The following MTA1 variants were observed in gnomAD, a reference collection of about 807,000 sequenced individuals.
MTA1 encodes metastasis-associated protein MTA1.
Under a neutral mutation model 97.0 loss-of-function variants are expected in MTA1, and 15 were observed. The ratio of observed to expected loss-of-function variants is 0.15; its 90% CI spans 0.10 to 0.24. MTA1 has a LOEUF of 0.24. MTA1 is among the 10% of genes least tolerant of loss of function. The pLI is 1.00. For missense variants in MTA1, 709 were observed against 1,015.1 expected, an observed-to-expected ratio of 0.70 and a Z score of 4.10; for synonymous variants, 435 against 417.5, an observed-to-expected ratio of 1.04 and a Z score of -0.51.
chr14:105,458,258 TCCTC>T lies in MTA1; in HGVS notation c.551-8_551-5del. 1 of 1,611,124 alleles carries T rather than the reference TCCTC, an allele frequency of 6.2e-7. No homozygotes were observed. The highest frequency in any genetic ancestry group is 8.5e-7 in the Non-Finnish European group (1 of 1,178,732). On this transcript the variant is annotated splice_region_variant and splice_polypyrimidine_tract_variant and intron_variant, in intron 7 of 20. Coordinates refer to ENST00000331320, the MANE Select transcript of MTA1 (RefSeq NM_004689.4). ...GACCCCGTCTCAGAAAGGCCACACT[TCCTC>T]CCTGTAGGCGAGGAGGATGGCCGAG...
intron 1 of MTA1, 91 bp from the exon 2 acceptor site, chr14:105,438,581 C>A (rs782763594): frequency 8.8e-6 from 10 of 1,138,846 alleles, no homozygotes; most frequent in African/African-American, 1.5e-5. Flanking sequence ...GACACTGCCC[C>A]GCCTGAGCCC....
At chr14:105,438,974 G>A (rs2082414168) in intron 2 of MTA1, among the ~76,000 whole-genome samples, 1 of 152,194 alleles carries the variant, frequency 6.6e-6, no homozygotes, top group East Asian at 1.9e-4. Flanking sequence ...GCCCTGAGCT[G>A]CCTGCCCACT....
At position 105,466,445 on chromosome 14, in the gene MTA1, C is replaced by T; in HGVS notation, c.1644C>T (p.Pro548=). Residue 548 remains proline (P), a synonymous_variant, in exon 17 of 21, where the codon CCC becomes CCT. Coordinates refer to ENST00000331320, the MANE Select transcript of MTA1 (RefSeq NM_004689.4). ...CGGCAGAGACCCACCCCCGCCCCCCCAAGCCTGACCCCGTGAAAAGCGTGT... is the reference window on the plus strand; with the variant it reads ...CGGCAGAGACCCACCCCCGCCCCCCTAAGCCTGACCCCGTGAAAAGCGTGT... The part of the protein sequence containing the change: ...LRYLETHPRP[P]KPDPVKSVSS... 1.9e-6 allele frequency: 3 copies of T among 1,596,560 alleles called. No homozygotes were observed. Among genetic ancestry groups the T allele is most frequent in the Non-Finnish European group, 2.6e-6 (3 of 1,170,822 alleles).
At chr14:105,469,630 C>A in intron 19 of MTA1, 132 bp downstream of exon 19, 1 of 1,251,490 alleles carries the variant, frequency 8.0e-7, no homozygotes, top group Non-Finnish European at 1.1e-6. Context: ...ACCAGAGGGG[C>A]TGCAGCATGT....
rs1555430934 is a variant in MTA1 at position 105,460,988 on chromosome 14, G to T, written c.942+35G>T. Reference sequence around the variant, plus strand: ...GTGGGTGGCGATGGGGGAGTGGCTGGCCATGCCCATCTCCAGGTAGGCTGC... The same window carrying T: ...GTGGGTGGCGATGGGGGAGTGGCTGTCCATGCCCATCTCCAGGTAGGCTGC... On this transcript the variant is annotated intron_variant, in intron 10 of 20. Transcript: ENST00000331320. 4.4e-6 allele frequency: 7 copies of T among 1,584,496 alleles called. No homozygotes were observed. In the East Asian group the frequency reaches 1.6e-4, roughly 35 times the overall value.
At chr14:105,453,491 C>CA in intron 6 of MTA1, among the ~76,000 whole-genome samples, 3 of 152,302 alleles carry the variant, frequency 2.0e-5, no homozygotes, top group South Asian at 2.1e-4. Flanking sequence ...GCCTGGGCGA[C>CA]GGAGCGAGAC....
chr14:105,425,696 C>T (rs2081988262), intron 1 of MTA1, among the ~76,000 whole-genome samples: 1 of 150,078 alleles, frequency 6.7e-6, no homozygotes, highest in Non-Finnish European at 1.5e-5. Flanking sequence ...TGGCCTGCTC[C>T]ATTCCTGTCC....
At chr14:105,465,983 G>GATCTC in intron 16 of MTA1, 1 of 209,726 alleles carries the variant, frequency 4.8e-6, no homozygotes, top group Non-Finnish European at 9.6e-6. Context: ...GCTGGTGTCA[G>GATCTC]GGCTGGTCCT....
chr14:105,447,778 C>G (rs1434719236), intron 3 of MTA1, among the ~76,000 whole-genome samples: 3 of 152,232 alleles, frequency 2.0e-5, no homozygotes, highest in Admixed American at 2.0e-4. Context: ...CGGCCCCACT[C>G]TTGCCTGGCG....
At chr14:105,449,613 G>A (rs1395240882) in intron 4 of MTA1, among the ~76,000 whole-genome samples, 7 of 152,212 alleles carry the variant, frequency 4.6e-5, no homozygotes, top group African/African-American at 1.7e-4. Flanking sequence ...GTGACCTGCT[G>A]GTGTGGGAGG....
chr14:105,460,892 A>G lies in MTA1; in HGVS notation c.881A>G (p.Asn294Ser), dbSNP rs782505385. 5.0e-6 allele frequency: 8 copies of G among 1,612,932 alleles called. No individual in the cohort carries two copies. Among genetic ancestry groups the G allele is most frequent in the East Asian group, 4.5e-5 (2 of 44,898 alleles). ...EMEEWSASEA[N>S]LFEEALEKYG... The stretch of plus-strand genomic sequence containing the variant: ...GAGGAGTGGTCTGCATCAGAGGCCA[A>G]CCTTTTCGAGGAAGCCCTGGAAAAA... Residue 294 changes from asparagine to serine, a missense_variant, in exon 10 of 21, where the codon AAC becomes AGC. Asn to Ser is a conservative substitution (Grantham distance 46). Around this residue, in one of 2 missense-constraint regions of MTA1, gnomAD observed 321 missense variants for 593.5 expected, o/e 0.54. Transcript: ENST00000331320.
intron 6 of MTA1, among the ~76,000 whole-genome samples, chr14:105,452,455 G>A (rs1293368093): frequency 6.6e-6 from 1 of 152,242 alleles, no homozygotes; most frequent in African/African-American, 2.4e-5. Flanking sequence ...AAGGCCGGGG[G>A]AATCACTTGA....
intron 1 of MTA1, among the ~76,000 whole-genome samples, chr14:105,434,647 C>T (rs782307553): frequency 2.0e-5 from 3 of 152,112 alleles, no homozygotes; most frequent in Non-Finnish European, 2.9e-5. Flanking sequence ...TACGGGCATA[C>T]ACCACCACAC....
At chr14:105,455,984 GA>G (rs1555429822) in intron 7 of MTA1, among the ~76,000 whole-genome samples, 178 of 151,690 alleles carry the variant, frequency 1.2e-3, no homozygotes, top group African/African-American at 4.1e-3. Flanking sequence ...TCTGAGTGTG[GA>G]GAGGCCGCTG....
Position 105,420,172 on chromosome 14 carries a change from C to G in MTA1, c.28+109C>G. 5 of 535,764 alleles carry G rather than the reference C, an allele frequency of 9.3e-6. No individual in the cohort carries two copies. Among genetic ancestry groups the G allele is most frequent in the Non-Finnish European group, 1.2e-5 (5 of 416,746 alleles). The allele number at this position is 535,764 out of a possible 1,614,324, so 33.2% of individuals were successfully genotyped here. A position where few individuals can be genotyped will look rare whatever the true frequency, so the allele number is the denominator to read the frequency against. ...CCCCGCAGGCCCCGCGCCCCCCGCC[C>G]GCCCTCGCGGCCCCCGGCTCCTTCC... On this transcript the variant is annotated intron_variant, in intron 1 of 20. Transcript: ENST00000331320. The surrounding 1 kb of genome is among the most constrained non-coding windows in gnomAD (Gnocchi z 5.3).
chr14:105,466,426 A>AGGGGGGGGCCCGG lies in MTA1; in HGVS notation c.1626_1627insGGGGGGGCCCGGG (p.Thr543GlyfsTer13). On this transcript the variant is annotated frameshift_variant and splice_region_variant, in exon 17 of 21. Transcript: ENST00000331320. LOFTEE classifies it high-confidence loss of function. ...GTTCTGCCTGTGTCATTCCCGGCAG[A>AGGGGGGGGCCCGG]GACCCACCCCCGCCCCCCCAAGCCT... 1 of 1,484,226 alleles carries AGGGGGGGGCCCGG rather than the reference A, an allele frequency of 6.7e-7. No individual in the cohort carries two copies. The highest frequency in any genetic ancestry group is 9.3e-7 in the Non-Finnish European group (1 of 1,071,324). The allele number at this position is 1,484,226 out of a possible 1,614,324, so 91.9% of individuals were successfully genotyped here.
intron 2 of MTA1, among the ~76,000 whole-genome samples, chr14:105,441,523 A>G (rs146781657): frequency 0.059 from 9,008 of 152,270 alleles, 922 homozygotes; most frequent in African/African-American, 0.2. Context: ...GGCTGGACGC[A>G]GGGGCTCACG....
chr14:105,425,476 A>G (rs2081979580), intron 1 of MTA1, among the ~76,000 whole-genome samples: 1 of 151,766 alleles, frequency 6.6e-6, no homozygotes, highest in Admixed American at 6.6e-5. Context: ...GAGTCTCACT[A>G]TGTTGCCCAG....
intron 10 of MTA1, among the ~76,000 whole-genome samples, chr14:105,461,553 A>T (rs1207561409): frequency 5.3e-5 from 8 of 152,204 alleles, no homozygotes; most frequent in Non-Finnish European, 1.0e-4. Flanking sequence ...GGGGAGGTGG[A>T]GACTGTGGCA....
Sources: allele counts gnomAD v4.1 joint callset (sites outside exome capture counted in the v4.1 genomes callset), GRCh38; gene constraint gnomAD v4.1.1; regional missense constraint gnomAD v4.1.1; non-coding constraint Gnocchi (gnomAD v3.1); transcripts MANE v1.5; gene names NCBI Gene and HGNC (gene_info 2026-07-23, HGNC 2026-07-21).